SCFD2: variants seen among roughly 807,000 people sequenced by gnomAD.
SCFD2 encodes the protein sec1 family domain-containing protein 2.
In SCFD2, 54 loss-of-function variants were observed where a neutral mutation model predicts 58.9. The ratio of observed to expected loss-of-function variants is 0.92; its 90% CI spans 0.74 to 1.15. The LOEUF is 1.15. Ranked by LOEUF, SCFD2 falls within the 50% of genes most tolerant of loss-of-function variation. SCFD2 has a pLI of 0.00. For missense variants in SCFD2, 805 were observed against 836.6 expected (o/e 0.96, Z 0.47); for synonymous variants, 321 against 335.9 (o/e 0.96, Z 0.49).
chr4:52,970,064 A>T (rs759367451), intron 5 of SCFD2, among the ~76,000 whole-genome samples: 3 of 152,088 alleles, frequency 2.0e-5, no homozygotes, highest in Non-Finnish European at 2.9e-5. Flanking sequence ...AATAGGAACA[A>T]CTCCAGTCTA....
chr4:53,325,298 C>T (rs1733155804), intron 2 of SCFD2, among the ~76,000 whole-genome samples: 1 of 151,488 alleles, frequency 6.6e-6, no homozygotes, highest in African/African-American at 2.4e-5. Context: ...TAACACATTC[C>T]TAGAAGCTCT....
chr4:52,915,622 T>G (rs186759794), intron 6 of SCFD2, among the ~76,000 whole-genome samples: 1 of 152,332 alleles, frequency 6.6e-6, no homozygotes, highest in East Asian at 1.9e-4. Context: ...CAGGCTTCAA[T>G]CCAGAAGCAG....
intron 5 of SCFD2, among the ~76,000 whole-genome samples, chr4:53,041,532 T>C (rs1341960013): frequency 6.6e-6 from 1 of 152,074 alleles, no homozygotes; most frequent in Non-Finnish European, 1.5e-5. Flanking sequence ...AGTAACTAAG[T>C]GATTAACTGT....
At chr4:53,345,376 G>T (rs1384922131) in intron 2 of SCFD2, among the ~76,000 whole-genome samples, 1 of 152,124 alleles carries the variant, frequency 6.6e-6, no homozygotes, top group Non-Finnish European at 1.5e-5. Flanking sequence ...TCAGAGAAAT[G>T]CAAATCAAAG....
At chr4:53,182,525 T>C (rs1357483818) in intron 4 of SCFD2, among the ~76,000 whole-genome samples, 1 of 152,162 alleles carries the variant, frequency 6.6e-6, no homozygotes, top group Non-Finnish European at 1.5e-5. Context: ...AAGACTTAAA[T>C]GTTAGACCTA....
chr4:53,181,621 C>T (rs535587565), intron 4 of SCFD2, among the ~76,000 whole-genome samples: 2 of 152,296 alleles, frequency 1.3e-5, no homozygotes, highest in East Asian at 3.9e-4. Context: ...TCTCTCACCA[C>T]TCCTGTTCAA....
chr4:53,319,560 T>C (rs1732964529), intron 2 of SCFD2, among the ~76,000 whole-genome samples: 1 of 146,590 alleles, frequency 6.8e-6, no homozygotes, highest in South Asian at 2.2e-4. Flanking sequence ...TTAGAAGGAG[T>C]CTCGCTCTGT....
chr4:53,354,176 G>T (rs1015552271), intron 1 of SCFD2, among the ~76,000 whole-genome samples: 1 of 152,026 alleles, frequency 6.6e-6, no homozygotes, highest in South Asian at 2.1e-4. Context: ...GGAGCCCACA[G>T]GGGGAAGGGG....
intron 4 of SCFD2, among the ~76,000 whole-genome samples, chr4:53,230,970 A>C (rs1415283589): frequency 6.6e-6 from 1 of 152,072 alleles, no homozygotes; most frequent in Non-Finnish European, 1.5e-5. Flanking sequence ...TTCCAAGTGA[A>C]GTGAAAGCAC....
intron 5 of SCFD2, among the ~76,000 whole-genome samples, chr4:53,114,868 A>T (rs1181216497): frequency 6.6e-6 from 1 of 152,126 alleles, no homozygotes; most frequent in African/African-American, 2.4e-5. Flanking sequence ...AGATTTAGAG[A>T]TATATGAGTA....
At chr4:53,113,611 C>G (rs1210795318) in intron 5 of SCFD2, among the ~76,000 whole-genome samples, 3 of 152,072 alleles carry the variant, frequency 2.0e-5, no homozygotes, top group African/African-American at 7.2e-5. Context: ...ACAGTTTTCA[C>G]AACTGCAATC....
chr4:53,210,414 AT>A (rs973119099), intron 4 of SCFD2, among the ~76,000 whole-genome samples: 1 of 152,044 alleles, frequency 6.6e-6, no homozygotes, highest in Non-Finnish European at 1.5e-5. Context: ...CTAAGTAATT[AT>A]TTTTCTTTTT....
intron 7 of SCFD2, among the ~76,000 whole-genome samples, chr4:52,904,503 T>C (rs1203332696): frequency 6.6e-6 from 1 of 152,212 alleles, no homozygotes; most frequent in African/African-American, 2.4e-5. Flanking sequence ...CACACATTTA[T>C]TCTCCTGGGG....
At chr4:52,980,417 T>C (rs13120717) in intron 5 of SCFD2, among the ~76,000 whole-genome samples, 15,686 of 152,224 alleles carry the variant, frequency 0.1, 1,043 homozygotes, top group East Asian at 0.32. Context: ...GTTCAGAGCA[T>C]GACTCAAACA....
intron 5 of SCFD2, among the ~76,000 whole-genome samples, chr4:53,017,150 T>C (rs1722233494): frequency 1.3e-5 from 2 of 152,108 alleles, no homozygotes; most frequent in South Asian, 4.1e-4. Context: ...GTTCTTGCCA[T>C]AGTAATCATA....
chr4:53,209,342 T>G (rs1037106899), intron 4 of SCFD2, among the ~76,000 whole-genome samples: 1 of 152,070 alleles, frequency 6.6e-6, no homozygotes, highest in Non-Finnish European at 1.5e-5. Flanking sequence ...TAACAGACTT[T>G]TGGTTAGTAT....
chr4:53,186,501 G>C (rs1210998397), intron 4 of SCFD2, among the ~76,000 whole-genome samples: 4 of 151,742 alleles, frequency 2.6e-5, no homozygotes, highest in Non-Finnish European at 5.9e-5. Context: ...CATTAATATG[G>C]GAAAAAAGGA....
intron 2 of SCFD2, among the ~76,000 whole-genome samples, chr4:53,338,870 G>A (rs533458967): frequency 4.6e-5 from 7 of 152,042 alleles, no homozygotes; most frequent in South Asian, 2.1e-4. Context: ...GTGAGCCACC[G>A]CGCCTGGCCG....
chr4:53,332,336 C>T (rs910765415), intron 2 of SCFD2, among the ~76,000 whole-genome samples: 8 of 151,478 alleles, frequency 5.3e-5, no homozygotes, highest in African/African-American at 1.9e-4. Context: ...AACATTGATG[C>T]AAAAATCCTC....
Sources: allele counts gnomAD v4.1 joint callset (sites outside exome capture counted in the v4.1 genomes callset), GRCh38; gene constraint gnomAD v4.1.1; transcripts MANE v1.5; gene names NCBI Gene and HGNC (gene_info 2026-07-23, HGNC 2026-07-21).